The following GDA variants were observed in gnomAD, a reference collection of about 807,000 sequenced individuals.
GDA encodes guanine deaminase.
A neutral mutation model predicts 59.6 loss-of-function variants in GDA; 18 were observed. The ratio of observed to expected loss-of-function variants is 0.30; its 90% CI spans 0.21 to 0.45. The LOEUF (loss-of-function observed/expected upper bound fraction) is 0.45, where lower values mean the gene tolerates loss of function less well. Among genes scored for constraint, GDA ranks in the 20% least tolerant of loss-of-function variants. The pLI is 1.00. For missense variants in GDA, 427 were observed against 552.3 expected, an observed-to-expected ratio of 0.77 and a Z score of 2.27; for synonymous variants, 201 against 201.1, an observed-to-expected ratio of 1.00 and a Z score of 0.00.
At chr9:72,122,116 C>G (rs1050420581) in intron 1 of GDA, among the ~76,000 whole-genome samples, 1 of 152,140 alleles carries the variant, frequency 6.6e-6, no homozygotes, top group Admixed American at 6.5e-5. Context: ...ACTTTACTTC[C>G]ATTTGCTGAT....
upstream of GDA, among the ~76,000 whole-genome samples, chr9:72,146,214 G>A (rs1244530302): frequency 1.3e-5 from 2 of 152,156 alleles, no homozygotes; most frequent in African/African-American, 4.8e-5. Context: ...CACAGGCAGA[G>A]AGAAGAGTGT....
At chr9:72,195,091 C>T (rs370143366) in intron 1 of GDA, among the ~76,000 whole-genome samples, 2 of 152,166 alleles carry the variant, frequency 1.3e-5, no homozygotes, top group African/African-American at 4.8e-5. Context: ...AACCAAGTAC[C>T]ATGACTGCTC....
intron 1 of GDA, among the ~76,000 whole-genome samples, chr9:72,121,745 C>T (rs1384530894): frequency 1.3e-5 from 2 of 152,230 alleles, no homozygotes; most frequent in African/African-American, 2.4e-5. Flanking sequence ...GCTATCTCCA[C>T]TGTACTTTGC....
chr9:72,187,098 C>T (rs1831951129), intron 1 of GDA, among the ~76,000 whole-genome samples: 2 of 152,174 alleles, frequency 1.3e-5, no homozygotes, highest in African/African-American at 4.8e-5. Context: ...TTATTATTAA[C>T]AACTTTGTAT....
chr9:72,216,391 A>G (rs747822802), intron 5 of GDA, among the ~76,000 whole-genome samples: 32 of 152,348 alleles, frequency 2.1e-4, no homozygotes, highest in South Asian at 6.2e-4. Context: ...CCAAGGCCAT[A>G]TGAGAACTTG....
chr9:72,210,766 A>G lies in GDA; in HGVS notation c.464A>G (p.Asp155Gly). ...IHTDSSLLLA[D>G]ITDKFGQRAF... Reference sequence around the variant, plus strand: ...ACTGACTCATCTCTGCTCCTTGCCGACATTACAGGTGAGCAAATGAAGCAT... The same window carrying G: ...ACTGACTCATCTCTGCTCCTTGCCGGCATTACAGGTGAGCAAATGAAGCAT... Residue 155 changes from aspartate (D) to glycine (G), a missense_variant, in exon 4 of 14, where the codon GAC becomes GGC. Transcript: ENST00000358399. 1.2e-6 allele frequency: 2 copies of G among 1,602,322 alleles called. No homozygotes were observed. Among genetic ancestry groups the G allele is most frequent in the Non-Finnish European group, 1.7e-6 (2 of 1,169,382 alleles).
At chr9:72,204,246 C>G (rs1387779115) in intron 3 of GDA, among the ~76,000 whole-genome samples, 1 of 152,186 alleles carries the variant, frequency 6.6e-6, no homozygotes, top group Non-Finnish European at 1.5e-5. Flanking sequence ...TATAAAGTAG[C>G]TGGTGCATTG....
intron 5 of GDA, among the ~76,000 whole-genome samples, chr9:72,218,592 T>C (rs1165882842): frequency 6.6e-6 from 1 of 152,180 alleles, no homozygotes; most frequent in African/African-American, 2.4e-5. Flanking sequence ...GTTGCCACCA[T>C]CCCTGCAGGC....
At chr9:72,247,603 C>T (rs1315756813) in intron 13 of GDA, among the ~76,000 whole-genome samples, 170 bp downstream of exon 13, 1 of 152,002 alleles carries the variant, frequency 6.6e-6, no homozygotes. Flanking sequence ...ATTGGTGGCA[C>T]ATTATTTAAA....
chr9:72,132,087 G>A (rs1006962060), intron 1 of GDA, among the ~76,000 whole-genome samples: 3 of 152,112 alleles, frequency 2.0e-5, no homozygotes, highest in Non-Finnish European at 2.9e-5. Flanking sequence ...GGAAATACCT[G>A]CCCCTATAAT....
Position 72,249,014 on chromosome 9 carries a change from G to C in GDA, c.*672G>C. ...GAATGCCACATGCTTTCATAATATAGTTTTGTGCTTCAAAGTGTTTGACAG... is the reference window on the plus strand; with the variant it reads ...GAATGCCACATGCTTTCATAATATACTTTTGTGCTTCAAAGTGTTTGACAG... On this transcript the variant is annotated 3_prime_UTR_variant, in exon 14 of 14. Coordinates refer to ENST00000358399, the MANE Select transcript of GDA (RefSeq NM_004293.5). 1 of 985,394 alleles carries C rather than the reference G, an allele frequency of 1.0e-6. No individual in the cohort carries two copies. Among genetic ancestry groups the C allele is most frequent in the Non-Finnish European group, 1.2e-6 (1 of 829,548 alleles). The allele number at this position is 985,394 out of a possible 1,614,324, so 61.0% of individuals were successfully genotyped here. A position where few individuals can be genotyped will look rare whatever the true frequency, so the allele number is the denominator to read the frequency against.
Position 72,164,490 on chromosome 9 carries a change from G to A in GDA, c.123+14808G>A, listed in dbSNP as rs565830779. ...GCTTGGGTTAGGTTTTGGAATGATT[G>A]GAAGATAAGGACATGCAGACAGTAA... On this transcript the variant is annotated intron_variant, in intron 1 of 13. Coordinates refer to ENST00000358399, the MANE Select transcript of GDA (RefSeq NM_004293.5). 3.3e-5 allele frequency among the ~76,000 whole-genome samples: 5 copies of A among 152,200 alleles called. No individual in the cohort carries two copies. In the South Asian group the frequency reaches 1.0e-3, roughly 32 times the overall value.
At chr9:72,199,971 A>G (rs1223400145) in intron 2 of GDA, among the ~76,000 whole-genome samples, 1 of 150,686 alleles carries the variant, frequency 6.6e-6, no homozygotes, top group Non-Finnish European at 1.5e-5. Flanking sequence ...TACCTATATA[A>G]GACCCTCAAA....
intron 1 of GDA, among the ~76,000 whole-genome samples, chr9:72,153,800 C>G (rs1315133076): frequency 8.5e-6 from 1 of 117,898 alleles, no homozygotes; most frequent in Non-Finnish European, 1.6e-5. Flanking sequence ...ACATCATACT[C>G]TGGGGACTGT....
At chr9:72,119,193 G>A (rs1041668102) in intron 1 of GDA, among the ~76,000 whole-genome samples, 1 of 152,122 alleles carries the variant, frequency 6.6e-6, no homozygotes, top group African/African-American at 2.4e-5. Flanking sequence ...TAGGAATAAA[G>A]GATTAGCTTT....
chr9:72,208,523 A>G (rs1835000882), intron 3 of GDA, among the ~76,000 whole-genome samples: 2 of 152,232 alleles, frequency 1.3e-5, no homozygotes, highest in South Asian at 4.1e-4. Flanking sequence ...TCTGGTCAGC[A>G]TTCTCTGTAG....
At chr9:72,244,603 T>C (rs1195214342) in intron 11 of GDA, among the ~76,000 whole-genome samples, 1 of 152,182 alleles carries the variant, frequency 6.6e-6, no homozygotes, top group African/African-American at 2.4e-5. Flanking sequence ...ATTCAAAGGA[T>C]TTAAACTAAG....
chr9:72,154,615 G>A (rs1176960501), intron 1 of GDA, among the ~76,000 whole-genome samples: 2 of 152,190 alleles, frequency 1.3e-5, no homozygotes, highest in East Asian at 3.8e-4. Context: ...AGCATTTGGT[G>A]CTAGATTCAC....
At chr9:72,119,654 G>A (rs541354544) in intron 1 of GDA, among the ~76,000 whole-genome samples, 3 of 152,064 alleles carry the variant, frequency 2.0e-5, no homozygotes, top group Admixed American at 6.6e-5. Flanking sequence ...TATTCTTAAC[G>A]TGTTGTTTTG....
Sources: gnomAD v4.1 joint callset for allele counts (sites outside exome capture counted in the v4.1 genomes callset) on GRCh38, gnomAD v4.1.1 for gene constraint, MANE v1.5 for transcripts, NCBI Gene and HGNC (gene_info 2026-07-23, HGNC 2026-07-21) for gene names.